The following INSYN2A variants were observed in gnomAD, a reference collection of about 807,000 sequenced individuals.
INSYN2A encodes the protein inhibitory synaptic factor 2A.
In INSYN2A, 17 loss-of-function variants were observed where a neutral mutation model predicts 39.4. The ratio of observed to expected loss-of-function variants is 0.43; its 90% CI spans 0.30 to 0.65. INSYN2A has a LOEUF of 0.65. Ranked by LOEUF, INSYN2A falls within the 30% of genes least tolerant of loss-of-function variation. INSYN2A has a pLI of 0.14. For synonymous variants in INSYN2A, 255 were observed against 265.7 expected (o/e 0.96, Z 0.39); for missense variants, 595 against 631.2 (o/e 0.94, Z 0.61).
chr10:127,142,015 G>T (rs1444788449), intron 5 of INSYN2A, among the ~76,000 whole-genome samples: 1 of 152,230 alleles, frequency 6.6e-6, no homozygotes, highest in African/African-American at 2.4e-5. Flanking sequence ...AATGGGTGGG[G>T]CCAGCAGGGT....
intron 5 of INSYN2A, among the ~76,000 whole-genome samples, chr10:127,151,295 GT>G (rs2052463071): frequency 6.6e-6 from 1 of 152,132 alleles, no homozygotes; most frequent in Non-Finnish European, 1.5e-5. Context: ...TTTCACACTA[GT>G]TTATTTCATT....
At chr10:127,183,077 T>C (rs1427506281) in intron 2 of INSYN2A, among the ~76,000 whole-genome samples, 3 of 147,880 alleles carry the variant, frequency 2.0e-5, no homozygotes, top group Non-Finnish European at 3.0e-5. Context: ...GAATCTTTTT[T>C]TTTTTTTTTT....
chr10:127,172,980 G>A (rs1026321812), intron 4 of INSYN2A, among the ~76,000 whole-genome samples: 13 of 152,306 alleles, frequency 8.5e-5, no homozygotes, highest in African/African-American at 3.1e-4. Flanking sequence ...CAATAGCCAC[G>A]TGCAGCTAGT....
chr10:127,169,213 A>C (rs978622670), intron 4 of INSYN2A, among the ~76,000 whole-genome samples: 1 of 152,206 alleles, frequency 6.6e-6, no homozygotes, highest in Non-Finnish European at 1.5e-5. Flanking sequence ...ACAGAGTTCC[A>C]AAGCAGGACC....
intron 2 of INSYN2A, among the ~76,000 whole-genome samples, chr10:127,183,065 G>C (rs1167529): frequency 1 from 143,591 of 143,816 alleles, 71,683 homozygotes; most frequent in Middle Eastern, 1. Flanking sequence ...CCTGATTATG[G>C]TGAATCTTTT....
rs373570832 is a variant in INSYN2A, at chr10:127,175,867, A to G, written c.529T>C (p.Ser177Pro). ...TCCACTGTGTTCATGTGTTGGTTGGAATGGAAAACCAAGGCTGTGGTCTTG... is the reference window on the plus strand; with the variant it reads ...TCCACTGTGTTCATGTGTTGGTTGGGATGGAAAACCAAGGCTGTGGTCTTG... Reference protein sequence around the residue: ...VHKTTALVFHSNQHMNTVDQP... With the variant: ...VHKTTALVFHPNQHMNTVDQP... The change falls in exon 4 of 6, where the codon TCC (serine) becomes CCC (proline). Residue 177 changes from serine to proline, a missense_variant. Around this residue, in one of 2 missense-constraint regions of INSYN2A, gnomAD observed 478 missense variants for 467.4 expected, o/e 1.02. Coordinates refer to ENST00000522781, the MANE Select transcript of INSYN2A (RefSeq NM_001039762.3). This position sits in a 1 kb window ranked among gnomAD's most constrained non-coding sequence, Gnocchi z 6.3. 2 of 1,613,976 alleles carry G rather than the reference A, an allele frequency of 1.2e-6. No individual in the cohort carries two copies. Among genetic ancestry groups the G allele is most frequent in the Non-Finnish European group, 1.7e-6 (2 of 1,180,032 alleles).
intron 5 of INSYN2A, among the ~76,000 whole-genome samples, chr10:127,144,124 C>G (rs770479478): frequency 1.3e-5 from 2 of 152,172 alleles, no homozygotes; most frequent in South Asian, 4.1e-4. Context: ...CAGTTTCCTC[C>G]TTGGCCATTG....
intron 5 of INSYN2A, among the ~76,000 whole-genome samples, chr10:127,153,267 A>G (rs1196775363): frequency 6.6e-6 from 1 of 152,216 alleles, no homozygotes; most frequent in East Asian, 1.9e-4. Flanking sequence ...TGCAGGCCAA[A>G]CACAGCTTCT....
At chr10:127,177,660 C>T (rs1363802632) in intron 2 of INSYN2A, among the ~76,000 whole-genome samples, 3 of 152,202 alleles carry the variant, frequency 2.0e-5, no homozygotes, top group Non-Finnish European at 4.4e-5. Flanking sequence ...GCCCAGCTGC[C>T]GACCTTGTGC....
rs1232741380 is a variant in INSYN2A, at chr10:127,176,171, G to A, written c.225C>T (p.Ala75=). 1 of 1,613,978 alleles carries A rather than the reference G, an allele frequency of 6.2e-7. No homozygotes were observed. The highest frequency in any genetic ancestry group is 1.7e-5 in the Admixed American group (1 of 59,996). The part of the protein sequence containing the change: ...SSGQLGEKRE[A]KPVSCRAAYR... ...AGGCTGCTCTGCAGGACACGGGCTT[G>A]GCCTCCCGCTTCTCCCCCAGCTGGC... Residue 75 remains alanine, a synonymous_variant, in exon 4 of 6, where the codon GCC becomes GCT. Transcript: ENST00000522781. This position sits in a 1 kb window ranked among gnomAD's most constrained non-coding sequence, Gnocchi z 4.4.
chr10:127,179,430 A>C (rs930012846), intron 2 of INSYN2A, among the ~76,000 whole-genome samples: 10 of 152,348 alleles, frequency 6.6e-5, no homozygotes, highest in African/African-American at 2.4e-4. Flanking sequence ...TTGCTGACTT[A>C]AAAAACAGTA....
chr10:127,151,232 C>G (rs1592243958), intron 5 of INSYN2A, among the ~76,000 whole-genome samples: 1 of 152,128 alleles, frequency 6.6e-6, no homozygotes, highest in South Asian at 2.1e-4. Flanking sequence ...GAGCTATGTT[C>G]CACTTGGTAG....
At chr10:127,193,832 G>A (rs139115150) in intron 1 of INSYN2A, among the ~76,000 whole-genome samples, 24 of 152,304 alleles carry the variant, frequency 1.6e-4, no homozygotes, top group African/African-American at 5.5e-4. Context: ...GCAAAACAGA[G>A]AAGCCCCCGA....
At chr10:127,154,502 GAAAAT>G (rs1433154100) in intron 4 of INSYN2A, among the ~76,000 whole-genome samples, 1 of 152,192 alleles carries the variant, frequency 6.6e-6, no homozygotes, top group Non-Finnish European at 1.5e-5. Flanking sequence ...TTTTACTTTT[GAAAAT>G]AAAATGGTGA....
At chr10:127,166,723 C>G (rs957669635) in intron 4 of INSYN2A, among the ~76,000 whole-genome samples, 2 of 152,200 alleles carry the variant, frequency 1.3e-5, no homozygotes, top group Admixed American at 6.5e-5. Flanking sequence ...CATAGCTTAG[C>G]AGGAATTGCA....
intron 2 of INSYN2A, among the ~76,000 whole-genome samples, chr10:127,182,953 A>G (rs776420562): frequency 5.3e-5 from 8 of 152,106 alleles, no homozygotes; most frequent in Non-Finnish European, 1.2e-4. Context: ...AGTTGGCAGG[A>G]CACAGAAGAG....
rs1211849703 is a variant in INSYN2A at position 127,170,297 on chromosome 10, C to G, written c.1184+4915G>C. ...CGAAGCCTCAGGGTCTTATCACTAC[C>G]TGCTGGTCATGTTTAAGGGCCTGGG... On this transcript the variant is annotated intron_variant, in intron 4 of 5. Transcript: ENST00000522781. Among the ~76,000 whole-genome samples the G allele has an allele frequency of 7.9e-5, 12 of 152,168 alleles. 1 individual carries two copies. The highest frequency in any genetic ancestry group is 4.6e-4 in the Admixed American group (7 of 15,286).
At chr10:127,147,833 A>G (rs2052043285) in intron 5 of INSYN2A, among the ~76,000 whole-genome samples, 1 of 151,626 alleles carries the variant, frequency 6.6e-6, no homozygotes, top group East Asian at 1.9e-4. Flanking sequence ...GAGTTTGAGA[A>G]CAGCCTGGCC....
At chr10:127,165,251 G>C (rs1337560998) in intron 4 of INSYN2A, among the ~76,000 whole-genome samples, 1 of 152,186 alleles carries the variant, frequency 6.6e-6, no homozygotes, top group African/African-American at 2.4e-5. Context: ...ATCAAGCTTA[G>C]TTAGCAATTT....
Sources: allele counts gnomAD v4.1 joint callset (sites outside exome capture counted in the v4.1 genomes callset), GRCh38; gene constraint gnomAD v4.1.1; regional missense constraint gnomAD v4.1.1; non-coding constraint Gnocchi (gnomAD v3.1); transcripts MANE v1.5; gene names NCBI Gene and HGNC (gene_info 2026-07-23, HGNC 2026-07-21).